Variants in NEK5 observed in about 807,000 individuals in gnomAD.
The protein encoded by NEK5 is serine/threonine-protein kinase Nek5.
In NEK5, 88 loss-of-function variants were observed where a neutral mutation model predicts 109.2. The ratio of observed to expected loss-of-function variants is 0.81; its 90% CI spans 0.68 to 0.96. NEK5 has a LOEUF of 0.96. Among genes scored for constraint, NEK5 ranks in the 40% least tolerant of loss-of-function variants. The probability of loss-of-function intolerance (pLI) is 0.00; values close to 1 mark genes in which losing one functional copy is unlikely to be tolerated. For synonymous variants in NEK5, 283 were observed against 299.9 expected, an observed-to-expected ratio of 0.94 and a Z score of 0.58; for missense variants, 834 against 920.7, an observed-to-expected ratio of 0.91 and a Z score of 1.22.
intron 23 of NEK5, among the ~76,000 whole-genome samples, chr13:52,045,105 A>G (rs573893462): frequency 2.8e-4 from 42 of 150,794 alleles, no homozygotes; most frequent in African/African-American, 9.7e-4. Context: ...CCATAACAGT[A>G]GCATTTCAAA....
intron 22 of NEK5, among the ~76,000 whole-genome samples, chr13:52,055,985 TA>T (rs1954551173): frequency 1.3e-5 from 2 of 151,880 alleles, no homozygotes; most frequent in Admixed American, 6.6e-5. Flanking sequence ...ATGCTCCAAT[TA>T]AAAGACACAG....
chr13:52,087,847 A>C (rs541119652), intron 14 of NEK5, among the ~76,000 whole-genome samples: 10 of 151,502 alleles, frequency 6.6e-5, no homozygotes, highest in Admixed American at 2.0e-4. Context: ...GGATGGTCTC[A>C]ATCTCCTGAC....
intron 23 of NEK5, among the ~76,000 whole-genome samples, chr13:52,038,584 G>T (rs1341309996): frequency 6.6e-6 from 1 of 152,114 alleles, no homozygotes; most frequent in African/African-American, 2.4e-5. Flanking sequence ...GGGACTACAG[G>T]TGAGCACCAC....
chr13:52,047,041 T>C (rs756905764), intron 23 of NEK5, among the ~76,000 whole-genome samples: 10 of 151,902 alleles, frequency 6.6e-5, no homozygotes, highest in Non-Finnish European at 1.3e-4. Context: ...AAAACTATCA[T>C]GAACTGACTT....
At chr13:52,118,280 G>A (rs1490077834) in intron 4 of NEK5, among the ~76,000 whole-genome samples, 4 of 152,166 alleles carry the variant, frequency 2.6e-5, no homozygotes, top group Non-Finnish European at 4.4e-5. Context: ...ACAGCCCTGC[G>A]CTGGGGGCTG....
At chr13:52,113,199 T>C (rs1473593291) in intron 4 of NEK5, among the ~76,000 whole-genome samples, 1 of 152,130 alleles carries the variant, frequency 6.6e-6, no homozygotes, top group African/African-American at 2.4e-5. Context: ...AAGGATTATG[T>C]ACAGACTATC....
chr13:52,064,397 G>T (rs1954652298), intron 21 of NEK5, among the ~76,000 whole-genome samples: 1 of 146,624 alleles, frequency 6.8e-6, no homozygotes, highest in Non-Finnish European at 1.5e-5. Flanking sequence ...CGTCCGGGAG[G>T]TGGGGGAGCC....
At chr13:52,065,162 CA>C in intron 21 of NEK5, 1 of 408,348 alleles carries the variant, frequency 2.4e-6, no homozygotes, top group Non-Finnish European at 4.4e-6. Context: ...TATGAAATCG[CA>C]AAAAAAGTTG....
At chr13:52,113,294 C>A (rs907632046) in intron 4 of NEK5, among the ~76,000 whole-genome samples, 2 of 152,104 alleles carry the variant, frequency 1.3e-5, no homozygotes, top group Non-Finnish European at 2.9e-5. Flanking sequence ...AAATTCAGAA[C>A]TATAGTCAGT....
At position 52,060,363 on chromosome 13, in the gene NEK5, GT is replaced by G. The variant is rs980038790; in HGVS notation, c.2110+1455del. 9.0e-4 allele frequency among the ~76,000 whole-genome samples: 135 copies of G among 150,278 alleles called. 1 individual carries two copies. The highest frequency in any genetic ancestry group is 3.4e-3 in the Middle Eastern group (1 of 294). ...TAATTAACTTTGTAAACTTTTTTTT[GT>G]TTTTTTTTAGACAAAGTCCCACTCT... On this transcript the variant is annotated intron_variant, in intron 22 of 23. Transcript: ENST00000684899.
At chr13:52,117,287 G>A (rs1385291234) in intron 4 of NEK5, among the ~76,000 whole-genome samples, 1 of 152,074 alleles carries the variant, frequency 6.6e-6, no homozygotes, top group African/African-American at 2.4e-5. Context: ...AGCGATTTGA[G>A]GGAAAACAAG....
rs1336492730 is a variant in NEK5 at position 52,048,066 on chromosome 13, C to T, written c.2228+2038G>A. Among the ~76,000 whole-genome samples, 7 of 152,222 alleles carry T rather than the reference C, an allele frequency of 4.6e-5. No individual in the cohort carries two copies. The East Asian group carries it at 1.4e-3, about 29-fold the overall frequency. Reference sequence around the variant, plus strand: ...GATAAGAGGAATAAATTCTAGTGCTCTATACCACTGTAGGATGACTATAGT... The same window carrying T: ...GATAAGAGGAATAAATTCTAGTGCTTTATACCACTGTAGGATGACTATAGT... On this transcript the variant is annotated intron_variant, in intron 23 of 23. Coordinates refer to ENST00000684899, the MANE Select transcript of NEK5 (RefSeq NM_001365552.1).
In NEK5 at chr13:52,122,585, A is replaced by G. The variant is rs571019288; in HGVS notation, c.118-3170T>C. 5.9e-5 allele frequency among the ~76,000 whole-genome samples: 9 copies of G among 152,208 alleles called. No homozygotes were observed. In the East Asian group the frequency reaches 1.6e-3, roughly 26 times the overall value. ...AGTTCGAGACCAGCCTGGCCAACAT[A>G]GTGAAAGCCTGTTTCTACTAAAAAT... is the stretch of plus-strand genomic sequence containing the variant. On this transcript the variant is annotated intron_variant, in intron 3 of 23. Transcript: ENST00000684899.
chr13:52,086,791 T>G (rs866118068), intron 15 of NEK5, among the ~76,000 whole-genome samples: 2 of 150,448 alleles, frequency 1.3e-5, no homozygotes, highest in African/African-American at 2.4e-5. Flanking sequence ...TCAATATGAC[T>G]GATGTCCTTG....
At chr13:52,056,949 G>C (rs1954561656) in intron 22 of NEK5, among the ~76,000 whole-genome samples, 1 of 152,044 alleles carries the variant, frequency 6.6e-6, no homozygotes, top group Non-Finnish European at 1.5e-5. Context: ...ACTAAAATCA[G>C]AGCAGAACTG....
chr13:52,117,272 A>G (rs1436103552), intron 4 of NEK5, among the ~76,000 whole-genome samples: 1 of 152,096 alleles, frequency 6.6e-6, no homozygotes, highest in Admixed American at 6.5e-5. Context: ...TTATGATCAG[A>G]GATAAGCGAT....
At position 52,127,431 on chromosome 13, in the gene NEK5, C is replaced by T; in HGVS notation, c.52G>A (p.Ala18Thr). 6.2e-7 allele frequency: 1 copy of T among 1,613,374 alleles called. No individual in the cohort carries two copies. The highest frequency in any genetic ancestry group is 2.2e-5 in the East Asian group (1 of 44,884). ...KAIGQGAFGK[A>T]YLAKGKSDSK... is the part of the protein sequence containing the mutation. ...TCTGATTTCCCTTTAGCTAAGTATG[C>T]TTTCCCGAAGGCACCTTGCCCGATG... The change falls in exon 3 of 24, where the codon GCA becomes ACA. Residue 18 changes from alanine to threonine, a missense_variant. Transcript: ENST00000684899.
chr13:52,078,946 A>T lies in NEK5; in HGVS notation c.1573-2803T>A, dbSNP rs78784738. Reference sequence around the variant, plus strand: ...AACTTCACAAATATAAGTAAGATAGATAAGTCATAGTCCTGATTTCAGACT... The same window carrying T: ...AACTTCACAAATATAAGTAAGATAGTTAAGTCATAGTCCTGATTTCAGACT... On this transcript the variant is annotated intron_variant, in intron 17 of 23. Transcript: ENST00000684899. Among the ~76,000 whole-genome samples, 9 of 152,372 alleles carry T rather than the reference A, an allele frequency of 5.9e-5. No individual in the cohort carries two copies. In the East Asian group the frequency reaches 1.7e-3, roughly 29 times the overall value.
At chr13:52,093,898 A>G (rs761686412) in intron 12 of NEK5, among the ~76,000 whole-genome samples, 1 of 152,248 alleles carries the variant, frequency 6.6e-6, no homozygotes, top group Non-Finnish European at 1.5e-5. Context: ...ATACCTTACC[A>G]TACTTTACAG....
Sources: allele counts gnomAD v4.1 joint callset (sites outside exome capture counted in the v4.1 genomes callset), GRCh38; gene constraint gnomAD v4.1.1; transcripts MANE v1.5; gene names NCBI Gene and HGNC (gene_info 2026-07-23, HGNC 2026-07-21).